The following DDX47 variants were observed in gnomAD, a reference collection of about 807,000 sequenced individuals.
DDX47 encodes probable ATP-dependent RNA helicase DDX47.
DDX47 carries 60 observed loss-of-function variants against 58.8 expected under a neutral mutation model. That is an observed-to-expected ratio of 1.02 (90% CI 0.83 to 1.26). DDX47 has a LOEUF of 1.26. Among genes scored for constraint, DDX47 ranks in the 50% most tolerant of loss-of-function variants. The probability of loss-of-function intolerance (pLI) is 0.00; values close to 1 mark genes in which losing one functional copy is unlikely to be tolerated. For synonymous variants in DDX47, 197 were observed against 204.6 expected, an observed-to-expected ratio of 0.96 and a Z score of 0.32; for missense variants, 530 against 573.2, an observed-to-expected ratio of 0.92 and a Z score of 0.77.
chr12:12,826,273 AG>A (rs1863050499), intron 10 of DDX47: 1 of 429,730 alleles, frequency 2.3e-6, no homozygotes, highest in African/African-American at 2.0e-5. Flanking sequence ...TAAAAGATCT[AG>A]TATAGTATTT....
chr12:12,824,709 C>A, intron 9 of DDX47, 32 bp downstream of exon 9: 1 of 1,602,050 alleles, frequency 6.2e-7, no homozygotes, highest in Non-Finnish European at 8.5e-7. Flanking sequence ...CCTTTCTAGT[C>A]CTAAAGTGTA....
intron 10 of DDX47, 74 bp from the exon 11 acceptor site, chr12:12,827,172 T>C: frequency 6.5e-7 from 1 of 1,546,098 alleles, no homozygotes; most frequent in Non-Finnish European, 8.8e-7. Flanking sequence ...CGTTGTATCA[T>C]ATAATAATAG....
intron 9 of DDX47, 158 bp downstream of exon 9, chr12:12,824,835 C>G: frequency 1.4e-6 from 1 of 696,040 alleles, no homozygotes. Context: ...TCATCTTGCA[C>G]AGGCCTGTGT....
At chr12:12,826,616 T>A (rs1211989707) in intron 10 of DDX47, among the ~76,000 whole-genome samples, 2 of 152,138 alleles carry the variant, frequency 1.3e-5, no homozygotes, top group African/African-American at 4.8e-5. Flanking sequence ...CCTGGCTTTT[T>A]AAAAAATATT....
chr12:12,828,660 A>AT (rs1490990224), intron 11 of DDX47, among the ~76,000 whole-genome samples: 2 of 152,196 alleles, frequency 1.3e-5, no homozygotes, highest in South Asian at 2.1e-4. Flanking sequence ...TCCACATGGG[A>AT]TTTTTTTGTT....
intron 8 of DDX47, chr12:12,824,272 A>C: frequency 1.7e-6 from 1 of 571,940 alleles, no homozygotes; most frequent in Non-Finnish European, 3.0e-6. Context: ...CCTAGTGGTA[A>C]TAATGACTCT....
At chr12:12,821,535 A>G (rs1862972996) in intron 3 of DDX47, 120 bp from the exon 4 acceptor site, 2 of 1,417,074 alleles carry the variant, frequency 1.4e-6, no homozygotes, top group African/African-American at 1.4e-5. Flanking sequence ...CTTTGGGAAG[A>G]GTATTAATTG....
chr12:12,816,287 G>C (rs960867646), intron 2 of DDX47, among the ~76,000 whole-genome samples: 2 of 152,172 alleles, frequency 1.3e-5, no homozygotes, highest in African/African-American at 2.4e-5. Flanking sequence ...CTATTGAATA[G>C]CATGGTGACT....
chr12:12,823,396 AT>A (rs1198620137), intron 7 of DDX47, 77 bp downstream of exon 7: 2 of 903,580 alleles, frequency 2.2e-6, no homozygotes, highest in Non-Finnish European at 3.7e-6. Context: ...TCAACTCTTG[AT>A]TAGGTAAGAG....
rs1862981206 is a variant in DDX47, at chr12:12,821,996, A to T, written c.474A>T (p.Glu158Asp). The change falls in exon 5 of 12, where the codon GAA (glutamate) becomes GAT (aspartate). Residue 158 changes from glutamate (E) to aspartate (D), a missense_variant. Coordinates refer to ENST00000358007, the MANE Select transcript of DDX47 (RefSeq NM_016355.4). ...CTGGTCGACTGATTGACCACTTGGA[A>T]AATACGAAAGGTTTCAACTTGAGAG... The part of the protein sequence containing the change: ...ATPGRLIDHL[E>D]NTKGFNLRAL... 6.2e-7 allele frequency: 1 copy of T among 1,614,000 alleles called. No homozygotes were observed. The highest frequency in any genetic ancestry group is 8.5e-7 in the Non-Finnish European group (1 of 1,179,930).
chr12:12,822,591 A>G, intron 5 of DDX47, 70 bp from the exon 6 acceptor site: 2 of 1,297,558 alleles, frequency 1.5e-6, no homozygotes, highest in Non-Finnish European at 2.2e-6. Flanking sequence ...TACCTCCTTC[A>G]CTACCTAGAG....
chr12:12,813,893 C>A (rs1046311507), intron 1 of DDX47, among the ~76,000 whole-genome samples: 1 of 152,128 alleles, frequency 6.6e-6, no homozygotes, highest in Non-Finnish European at 1.5e-5. Context: ...ATTGTTGTGA[C>A]GATTAAATGA....
intron 10 of DDX47, chr12:12,826,318 A>G (rs936595308): frequency 6.4e-6 from 2 of 312,692 alleles, no homozygotes; most frequent in Non-Finnish European, 1.2e-5. Flanking sequence ...CTGGAGAGCA[A>G]TTGCCTTTGT....
At chr12:12,817,995 C>T (rs1000113015) in intron 2 of DDX47, among the ~76,000 whole-genome samples, 1 of 152,198 alleles carries the variant, frequency 6.6e-6, no homozygotes, top group Non-Finnish European at 1.5e-5. Flanking sequence ...CTAGTTCCCC[C>T]GCCTGCTGTT....
chr12:12,829,448 A>C lies in DDX47; in HGVS notation c.1262A>C (p.Lys421Thr). 2 of 1,613,230 alleles carry C rather than the reference A, an allele frequency of 1.2e-6. No homozygotes were observed. Among genetic ancestry groups the C allele is most frequent in the Non-Finnish European group, 8.5e-7 (1 of 1,179,692 alleles). ...RMELREHGEK[K>T]KRSREDAGDN... is the part of the protein sequence containing the mutation. ...GAGTTAAGGGAGCATGGAGAAAAGA[A>C]GAAACGCTCGCGAGAGGATGCTGGA... The change falls in exon 12 of 12, where the codon AAG becomes ACG. Residue 421 changes from lysine (K) to threonine (T), a missense_variant. By Grantham distance (78) the Lys-to-Thr change is moderately conservative. Transcript: ENST00000358007.
Position 12,813,451 on chromosome 12 carries a change from C to G in DDX47, c.84C>G (p.Asp28Glu), listed in dbSNP as rs774213234. The G allele has an allele frequency of 1.2e-6, 2 of 1,608,586 alleles. No individual in the cohort carries two copies. The highest frequency in any genetic ancestry group is 1.7e-6 in the Non-Finnish European group (2 of 1,177,386). Residue 28 changes from aspartate (D) to glutamate (E), a missense_variant, in exon 1 of 12, where the codon GAC becomes GAG. Coordinates refer to ENST00000358007, the MANE Select transcript of DDX47 (RefSeq NM_016355.4). ...VEEEETKTFK[D>E]LGVTDVLCEA... ...AGGAGGAAACTAAAACATTTAAAGA[C>G]CTGGTGAGAATGGATGACGCTGGCT...
At chr12:12,818,414 G>A (rs1319324061) in intron 2 of DDX47, among the ~76,000 whole-genome samples, 3 of 152,024 alleles carry the variant, frequency 2.0e-5, no homozygotes, top group Non-Finnish European at 2.9e-5. Context: ...CCAGCTACTC[G>A]GGAGGCTGAG....
At chr12:12,821,136 A>T in intron 2 of DDX47, 72 bp from the exon 3 acceptor site, 2 of 1,488,704 alleles carry the variant, frequency 1.3e-6, no homozygotes, top group Non-Finnish European at 1.9e-6. Flanking sequence ...TGTGCCCAGC[A>T]TTGTGTCATT....
At chr12:12,815,456 T>C (rs758219891) in intron 2 of DDX47, among the ~76,000 whole-genome samples, 1 of 152,192 alleles carries the variant, frequency 6.6e-6, no homozygotes, top group Non-Finnish European at 1.5e-5. Flanking sequence ...ATAAATTTAT[T>C]ACAAGTTGAA....
Sources: allele counts gnomAD v4.1 joint callset (sites outside exome capture counted in the v4.1 genomes callset), GRCh38; gene constraint gnomAD v4.1.1; transcripts MANE v1.5; gene names NCBI Gene and HGNC (gene_info 2026-07-23, HGNC 2026-07-21).